The following DENND5B variants were observed in gnomAD, a reference collection of about 807,000 sequenced individuals.
DENND5B encodes the protein DENN domain containing 5B.
Under a neutral mutation model 140.6 loss-of-function variants are expected in DENND5B, and 34 were observed. That is an observed-to-expected ratio of 0.24 (90% CI 0.18 to 0.32). The LOEUF (loss-of-function observed/expected upper bound fraction) is 0.32. DENND5B is among the 10% of genes least tolerant of loss of function. The pLI is 1.00. For missense variants in DENND5B, 1,142 were observed against 1,560.2 expected, an observed-to-expected ratio of 0.73 and a Z score of 4.52; for synonymous variants, 551 against 562.1, an observed-to-expected ratio of 0.98 and a Z score of 0.28.
chr12:31,574,987 T>A (rs1949960246), intron 1 of DENND5B, among the ~76,000 whole-genome samples: 1 of 152,204 alleles, frequency 6.6e-6, no homozygotes, highest in South Asian at 2.1e-4. Flanking sequence ...GAAATCACAG[T>A]CATTGTTCTG....
chr12:31,431,536 G>T (rs1410855681), intron 8 of DENND5B, among the ~76,000 whole-genome samples: 1 of 152,052 alleles, frequency 6.6e-6, no homozygotes, highest in African/African-American at 2.4e-5. Flanking sequence ...TGTCAAATTG[G>T]ACAAGATGAC....
intron 2 of DENND5B, among the ~76,000 whole-genome samples, chr12:31,484,264 G>T (rs990366024): frequency 6.6e-6 from 1 of 152,176 alleles, no homozygotes; most frequent in Admixed American, 6.5e-5. Flanking sequence ...CAGTGCAGTG[G>T]TGGTTCAAGA....
intron 1 of DENND5B, among the ~76,000 whole-genome samples, chr12:31,552,173 C>T (rs1406901161): frequency 6.6e-6 from 1 of 152,128 alleles, no homozygotes; most frequent in Non-Finnish European, 1.5e-5. Context: ...CCAGTTTTTG[C>T]CCATTCAGTA....
At chr12:31,521,848 C>T (rs1565660825) in intron 1 of DENND5B, among the ~76,000 whole-genome samples, 1 of 152,192 alleles carries the variant, frequency 6.6e-6, no homozygotes, top group Admixed American at 6.5e-5. Context: ...CAACCAGACT[C>T]CATACTATTG....
intron 1 of DENND5B, among the ~76,000 whole-genome samples, chr12:31,524,063 T>A (rs979611864): frequency 1.3e-5 from 2 of 150,276 alleles, no homozygotes; most frequent in East Asian, 2.0e-4. Context: ...TTTTTTTTTT[T>A]AGATCATGTC....
rs1202976099 is a variant in DENND5B at position 31,392,687 on chromosome 12, G to A, written c.3266C>T (p.Ala1089Val). ...SLTGKNNKPN[A>V]GQIQEGIGEA... ...TCCAATTCCTTCTTGTATCTGCCCA[G>A]CATTGGGTTCTGTAAAATAATAAAC... The change falls in exon 18 of 21, where the codon GCT becomes GTT. Residue 1089 changes from alanine to valine, a missense_variant. This residue lies in a region of DENND5B where 268 missense variants were observed against 349.2 expected (regional missense o/e 0.77). Coordinates refer to ENST00000389082, the MANE Select transcript of DENND5B (RefSeq NM_144973.4). The A allele has an allele frequency of 1.3e-6, 2 of 1,555,364 alleles. No individual in the cohort carries two copies. Among genetic ancestry groups the A allele is most frequent in the Admixed American group, 2.0e-5 (1 of 51,080 alleles).
At chr12:31,494,221 TCTACCTAC>T (rs1555162966) in intron 2 of DENND5B, among the ~76,000 whole-genome samples, 5 of 106,496 alleles carry the variant, frequency 4.7e-5, no homozygotes, top group Admixed American at 1.0e-4. Flanking sequence ...CCTACCTACC[TCTACCTAC>T]CTACCTACCT....
intron 1 of DENND5B, among the ~76,000 whole-genome samples, chr12:31,584,163 T>C (rs1361731212): frequency 6.6e-6 from 1 of 152,090 alleles, no homozygotes; most frequent in Non-Finnish European, 1.5e-5. Flanking sequence ...TTTAGGACAG[T>C]CTGTCTTAAC....
chr12:31,456,069 C>T (rs541838623), intron 4 of DENND5B, among the ~76,000 whole-genome samples: 1 of 151,192 alleles, frequency 6.6e-6, no homozygotes, highest in South Asian at 2.1e-4. Context: ...GTGGCTCATG[C>T]CTGTAATCCC....
intron 7 of DENND5B, among the ~76,000 whole-genome samples, chr12:31,436,517 C>A (rs1943763539): frequency 6.6e-6 from 1 of 152,020 alleles, no homozygotes; most frequent in Admixed American, 6.6e-5. Context: ...ATCGCTCTTT[C>A]TACTTTTAAG....
chr12:31,503,886 C>T (rs1232948288), intron 1 of DENND5B, among the ~76,000 whole-genome samples: 1 of 152,108 alleles, frequency 6.6e-6, no homozygotes, highest in African/African-American at 2.4e-5. Context: ...TCTTCCTGTC[C>T]TGACAGGTAA....
intron 1 of DENND5B, among the ~76,000 whole-genome samples, chr12:31,532,364 C>A (rs1150957): frequency 0.078 from 11,856 of 152,090 alleles, 1,057 homozygotes; most frequent in African/African-American, 0.22. Flanking sequence ...AGGTTTAAGA[C>A]AAGAGGGTGG....
chr12:31,502,385 T>G (rs759757671), intron 1 of DENND5B, among the ~76,000 whole-genome samples: 2 of 152,204 alleles, frequency 1.3e-5, no homozygotes, highest in African/African-American at 2.4e-5. Flanking sequence ...AAATCATGTT[T>G]ATCAATGCAA....
chr12:31,523,416 T>C (rs1947974202), intron 1 of DENND5B, among the ~76,000 whole-genome samples: 2 of 152,104 alleles, frequency 1.3e-5, no homozygotes, highest in African/African-American at 2.4e-5. Context: ...AGACTGAGAT[T>C]GTTTAGGCCA....
intron 20 of DENND5B, among the ~76,000 whole-genome samples, 159 bp from the exon 21 acceptor site, chr12:31,387,945 G>C (rs903080732): frequency 1.3e-5 from 2 of 152,098 alleles, no homozygotes; most frequent in South Asian, 4.1e-4. Context: ...CCAAGAAGTT[G>C]AATATTTTCT....
chr12:31,428,520 G>A (rs889460899), intron 8 of DENND5B, among the ~76,000 whole-genome samples: 1 of 151,834 alleles, frequency 6.6e-6, no homozygotes, highest in African/African-American at 2.4e-5. Flanking sequence ...TCCTGCCTCA[G>A]CCTCCTGAGT....
At chr12:31,521,692 G>A (rs1320620184) in intron 1 of DENND5B, among the ~76,000 whole-genome samples, 1 of 152,066 alleles carries the variant, frequency 6.6e-6, no homozygotes, top group Non-Finnish European at 1.5e-5. Flanking sequence ...TTAAACCAAG[G>A]AATGATTCTT....
At chr12:31,446,865 C>A (rs555899077) in intron 6 of DENND5B, among the ~76,000 whole-genome samples, 15 of 140,714 alleles carry the variant, frequency 1.1e-4, no homozygotes, top group Middle Eastern at 3.8e-3. Context: ...CCAGCCTGGG[C>A]GACAGAGTGA....
At chr12:31,400,766 T>C (rs769709043) in intron 15 of DENND5B, among the ~76,000 whole-genome samples, 5 of 152,166 alleles carry the variant, frequency 3.3e-5, no homozygotes, top group Admixed American at 1.3e-4. Context: ...TTGTTGACTA[T>C]AGTCACCCTG....
Sources: gnomAD v4.1 joint callset for allele counts (sites outside exome capture counted in the v4.1 genomes callset) on GRCh38, gnomAD v4.1.1 for gene constraint, gnomAD v4.1.1 regional missense constraint, MANE v1.5 for transcripts, NCBI Gene and HGNC (gene_info 2026-07-23, HGNC 2026-07-21) for gene names.